The following INTS12 variants were observed in gnomAD, a reference collection of about 807,000 sequenced individuals.
INTS12 encodes integrator complex subunit 12.
In INTS12, 13 loss-of-function variants were observed where a neutral mutation model predicts 41.6. The observed-to-expected ratio is 0.31, with a 90% CI of 0.20 to 0.50. The LOEUF is 0.50. INTS12 is among the 20% of genes least tolerant of loss of function. The probability of loss-of-function intolerance (pLI) is 0.98; values close to 1 mark genes in which losing one functional copy is unlikely to be tolerated. For synonymous variants in INTS12, 199 were observed against 191.4 expected (o/e 1.04, Z -0.33); for missense variants, 432 against 541.6 (o/e 0.80, Z 2.01).
intron 1 of INTS12, chr4:105,708,341 T>C: frequency 1.0e-6 from 1 of 985,534 alleles, no homozygotes; most frequent in Non-Finnish European, 1.2e-6. Flanking sequence ...GGGAGCTACG[T>C]AGAGAAGTCA....
In INTS12 at chr4:105,707,316, A is replaced by C. The variant is rs550986472; in HGVS notation, c.-172+1322T>G. The stretch of plus-strand genomic sequence containing the variant: ...GTATTGCAACTTTCTCCCTTGAAGC[A>C]TTTTTTTTTTTTTTTGGCACAAGTG... On this transcript the variant is annotated intron_variant, in intron 1 of 7. Transcript: ENST00000340139. Among the ~76,000 whole-genome samples the C allele has an allele frequency of 2.3e-3, 321 of 140,730 alleles. 2 individuals carry two copies. Among genetic ancestry groups the C allele is most frequent in the Non-Finnish European group, 3.8e-3 (243 of 64,308 alleles). The allele number at this position is 140,730 out of a possible 152,430, so 92.3% of individuals were successfully genotyped here.
chr4:105,691,262 A>G (rs1189084304), intron 6 of INTS12, among the ~76,000 whole-genome samples: 1 of 152,182 alleles, frequency 6.6e-6, no homozygotes. Flanking sequence ...AGTGGGAGGG[A>G]GAGGTGGAGA....
At chr4:105,693,641 T>C (rs1027988815) in intron 4 of INTS12, among the ~76,000 whole-genome samples, 155 bp from the exon 5 acceptor site, 13 of 152,210 alleles carry the variant, frequency 8.5e-5, no homozygotes, top group African/African-American at 3.1e-4. Flanking sequence ...TAAAGATCTG[T>C]AGAAGAATTG....
At chr4:105,687,537 T>C (rs1000340908) in intron 6 of INTS12, among the ~76,000 whole-genome samples, 3 of 152,238 alleles carry the variant, frequency 2.0e-5, no homozygotes, top group Non-Finnish European at 4.4e-5. Flanking sequence ...TAAACTCTAA[T>C]CATTTTTGAG....
intron 3 of INTS12, 107 bp from the exon 4 acceptor site, chr4:105,695,775 T>A (rs1213014519): frequency 2.4e-6 from 2 of 840,276 alleles, no homozygotes; most frequent in Non-Finnish European, 3.8e-6. Context: ...CATTTCATTA[T>A]AACCAATGTA....
Position 105,693,442 on chromosome 4 carries a change from A to G in INTS12, c.354T>C (p.Pro118=). Residue 118 remains proline (P), a synonymous_variant, in exon 5 of 8, where the codon CCT becomes CCC. Coordinates refer to ENST00000340139, the MANE Select transcript of INTS12 (RefSeq NM_020395.4). The part of the protein sequence containing the change: ...ITEGVDIPKK[P]RLEKPETQSS... ...ACTGTGTTTCTGGTTTCTCCAATCT[A>G]GGTTTCTTTGGAATATCAACTCCTT... 1 of 1,613,620 alleles carries G rather than the reference A, an allele frequency of 6.2e-7. No homozygotes were observed. The highest frequency in any genetic ancestry group is 1.3e-5 in the African/African-American group (1 of 75,044).
chr4:105,708,535 C>T, intron 1 of INTS12, 103 bp downstream of exon 1: 9 of 985,408 alleles, frequency 9.1e-6, no homozygotes, highest in Non-Finnish European at 1.1e-5. Context: ...CCTTGAGGAG[C>T]GAGGAAACTA....
chr4:105,706,434 T>A (rs1476791565), intron 1 of INTS12: 1 of 152,006 alleles, frequency 6.6e-6, no homozygotes, highest in Non-Finnish European at 1.5e-5. Context: ...GTAATTTTGT[T>A]GTTTTTTAAG....
At chr4:105,691,389 A>G (rs561686002) in intron 6 of INTS12, among the ~76,000 whole-genome samples, 3 of 152,364 alleles carry the variant, frequency 2.0e-5, no homozygotes, top group South Asian at 2.1e-4. Flanking sequence ...TAACAAATGA[A>G]AAGATATTTC....
chr4:105,694,770 T>A (rs969972661), intron 4 of INTS12, among the ~76,000 whole-genome samples: 5 of 152,202 alleles, frequency 3.3e-5, no homozygotes, highest in Admixed American at 2.0e-4. Context: ...TTCAAATGTA[T>A]TTTTTTCTAA....
rs766225765 is a variant in INTS12 at position 105,700,690 on chromosome 4, TATC to T, written c.-9-679_-9-677del. On this transcript the variant is annotated intron_variant, in intron 2 of 7. Coordinates refer to ENST00000340139, the MANE Select transcript of INTS12 (RefSeq NM_020395.4). ...TAAAAGTAAGGTCTCTGAGGGATAA[TATC>T]ATATCTACTTAAAACACACACACAC... Among the ~76,000 whole-genome samples, 16 of 129,164 alleles carry T rather than the reference TATC, an allele frequency of 1.2e-4. No individual in the cohort carries two copies. The South Asian group carries it at 3.5e-3, about 28-fold the overall frequency. The allele number at this position is 129,164 out of a possible 152,430, so 84.7% of individuals were successfully genotyped here.
At chr4:105,699,565 A>G (rs1325577821) in intron 3 of INTS12, among the ~76,000 whole-genome samples, 2 of 152,192 alleles carry the variant, frequency 1.3e-5, no homozygotes, top group Non-Finnish European at 2.9e-5. Flanking sequence ...CTTAAAAAAA[A>G]TTCTGATCAC....
At position 105,708,683 on chromosome 4, in the gene INTS12, C is replaced by T; in HGVS notation, c.-217G>A. 1.2e-6 allele frequency: 1 copy of T among 857,100 alleles called. No individual in the cohort carries two copies. The highest frequency in any genetic ancestry group is 1.4e-6 in the Non-Finnish European group (1 of 712,974). 53.1% of individuals were successfully genotyped at this position (857,100 alleles called of 1,614,324 possible). A position where few individuals can be genotyped will look rare whatever the true frequency, so the allele number is the denominator to read the frequency against. On this transcript the variant is annotated 5_prime_UTR_variant, in exon 1 of 8. Transcript: ENST00000340139. ...ATCCGTCTGTTCCCGGTGGTCCCTT[C>T]GGAAACGGTTCCCGCACTGGCCGGC...
At chr4:105,692,577 A>G (rs1367954274) in intron 5 of INTS12, among the ~76,000 whole-genome samples, 1 of 152,054 alleles carries the variant, frequency 6.6e-6, no homozygotes, top group African/African-American at 2.4e-5. Flanking sequence ...CCCAAAGAGC[A>G]AATAACAAAC....
intron 1 of INTS12, chr4:105,707,817 A>C (rs992069698): frequency 3.1e-6 from 1 of 326,210 alleles, no homozygotes; most frequent in Non-Finnish European, 4.4e-6. Flanking sequence ...TTTTTTGCGT[A>C]AATGTCACCT....
intron 3 of INTS12, among the ~76,000 whole-genome samples, chr4:105,696,895 A>C (rs1731887254): frequency 6.6e-6 from 1 of 152,214 alleles, no homozygotes; most frequent in Non-Finnish European, 1.5e-5. Context: ...ATGTTCTAAT[A>C]GGTATGTAGT....
intron 3 of INTS12, among the ~76,000 whole-genome samples, chr4:105,696,005 C>T (rs149258182): frequency 1.5e-4 from 23 of 152,036 alleles, no homozygotes; most frequent in Non-Finnish European, 2.8e-4. Flanking sequence ...AGGTGCACCA[C>T]CACACCCGGC....
At chr4:105,689,050 C>G (rs1314441893) in intron 6 of INTS12, among the ~76,000 whole-genome samples, 1 of 152,236 alleles carries the variant, frequency 6.6e-6, no homozygotes, top group African/African-American at 2.4e-5. Context: ...AAAACCCCAC[C>G]TATTTCTAAA....
chr4:105,690,159 TCAGAGTGGC>T (rs2149180309), intron 6 of INTS12, among the ~76,000 whole-genome samples: 1 of 152,266 alleles, frequency 6.6e-6, no homozygotes, highest in East Asian at 1.9e-4. Context: ...TTAGTCTGTG[TCAGAGTGGC>T]CAGAGTGTAT....
Sources: allele counts gnomAD v4.1 joint callset (sites outside exome capture counted in the v4.1 genomes callset), GRCh38; gene constraint gnomAD v4.1.1; transcripts MANE v1.5; gene names NCBI Gene and HGNC (gene_info 2026-07-23, HGNC 2026-07-21).